WDFY1: variants seen among roughly 807,000 people sequenced by gnomAD.
WDFY1 encodes WD repeat and FYVE domain containing 1.
Under a neutral mutation model 56.4 loss-of-function variants are expected in WDFY1, and 32 were observed. That is an observed-to-expected ratio of 0.57 (90% CI 0.43 to 0.76). The LOEUF (loss-of-function observed/expected upper bound fraction) is 0.76. Among genes scored for constraint, WDFY1 ranks in the 30% least tolerant of loss-of-function variants. The pLI, the probability that WDFY1 is intolerant of heterozygous loss-of-function variation, is 0.00. For missense variants in WDFY1, 480 were observed against 545.7 expected, an observed-to-expected ratio of 0.88 and a Z score of 1.20; for synonymous variants, 192 against 197.3, an observed-to-expected ratio of 0.97 and a Z score of 0.23.
intron 1 of WDFY1, among the ~76,000 whole-genome samples, chr2:223,942,682 C>T (rs1380272537): frequency 3.6e-5 from 5 of 140,804 alleles, no homozygotes; most frequent in Non-Finnish European, 7.7e-5. Flanking sequence ...ACTACAGGCG[C>T]CCGCCACCGC....
Position 223,900,986 on chromosome 2 carries a change from T to C in WDFY1, c.485+197A>G, listed in dbSNP as rs569438746. The C allele has an allele frequency of 9.3e-5, 51 of 551,342 alleles. 1 individual carries two copies. In the South Asian group the frequency reaches 1.4e-3, roughly 15 times the overall value. 34.2% of individuals were successfully genotyped at this position (551,342 alleles called of 1,614,324 possible). A position where few individuals can be genotyped will look rare whatever the true frequency, so the allele number is the denominator to read the frequency against. ...AAGTTCTCGGATTTTCAGTGAAATA[T>C]GTATTAGGTTGGTGCAAAAGTAATT... On this transcript the variant is annotated intron_variant, in intron 5 of 11. Transcript: ENST00000233055.
At chr2:223,920,100 C>T (rs1385897008) in intron 1 of WDFY1, among the ~76,000 whole-genome samples, 1 of 152,238 alleles carries the variant, frequency 6.6e-6, no homozygotes, top group East Asian at 1.9e-4. Flanking sequence ...CGGCTGGTGG[C>T]TATAAGCACA....
chr2:223,895,777 G>C (rs597349), intron 6 of WDFY1, 147 bp from the exon 7 acceptor site: 1 of 1,014,638 alleles, frequency 9.9e-7, no homozygotes, highest in South Asian at 1.6e-5. Flanking sequence ...GGTGTACAAC[G>C]GGTCATTCAA....
At chr2:223,899,733 T>G (rs887282693) in intron 5 of WDFY1, among the ~76,000 whole-genome samples, 1 of 151,052 alleles carries the variant, frequency 6.6e-6, no homozygotes, top group Admixed American at 6.6e-5. Context: ...TGGGTGACAG[T>G]GCAAGACTCT....
intron 3 of WDFY1, among the ~76,000 whole-genome samples, chr2:223,906,440 T>C (rs1693599336): frequency 6.6e-6 from 1 of 152,208 alleles, no homozygotes; most frequent in Non-Finnish European, 1.5e-5. Flanking sequence ...TGGGGGAAAG[T>C]ACACCTATTT....
At chr2:223,882,732 T>A (rs567737626) in intron 9 of WDFY1, among the ~76,000 whole-genome samples, 123 of 151,888 alleles carry the variant, frequency 8.1e-4, no homozygotes, top group African/African-American at 2.8e-3. Context: ...TATTATTATT[T>A]TTTTTTTCAG....
intron 1 of WDFY1, among the ~76,000 whole-genome samples, chr2:223,930,425 G>C (rs1421357352): frequency 6.6e-6 from 1 of 152,216 alleles, no homozygotes; most frequent in Non-Finnish European, 1.5e-5. Context: ...CGCCTACCGG[G>C]TTCAGGCGAT....
At chr2:223,890,598 A>C (rs1261009480) in intron 8 of WDFY1, among the ~76,000 whole-genome samples, 1 of 152,160 alleles carries the variant, frequency 6.6e-6, no homozygotes, top group Non-Finnish European at 1.5e-5. Flanking sequence ...ATCTAAGAAG[A>C]AGCTTTCGTT....
intron 8 of WDFY1, among the ~76,000 whole-genome samples, chr2:223,887,976 T>G (rs536046241): frequency 2.0e-5 from 3 of 152,168 alleles, no homozygotes; most frequent in Admixed American, 6.5e-5. Context: ...CTACATGAAA[T>G]AGTTTTCTAC....
intron 4 of WDFY1, among the ~76,000 whole-genome samples, 154 bp from the exon 5 acceptor site, chr2:223,901,487 A>G (rs1362388067): frequency 6.6e-6 from 1 of 151,956 alleles, no homozygotes; most frequent in Non-Finnish European, 1.5e-5. Flanking sequence ...ATTTCAGACA[A>G]CCCGCCCCAG....
At chr2:223,944,475 G>T (rs1287938026) in intron 1 of WDFY1, among the ~76,000 whole-genome samples, 1 of 150,768 alleles carries the variant, frequency 6.6e-6, no homozygotes, top group African/African-American at 2.4e-5. Context: ...CTGGAACAGG[G>T]GTCCCCGGCT....
intron 2 of WDFY1, among the ~76,000 whole-genome samples, chr2:223,915,995 G>A (rs1289343965): frequency 6.6e-6 from 1 of 152,240 alleles, no homozygotes; most frequent in East Asian, 1.9e-4. Context: ...GGTAACAGAA[G>A]AGATGCCACT....
chr2:223,916,119 GTC>G (rs1300424894), intron 2 of WDFY1, among the ~76,000 whole-genome samples: 8 of 152,060 alleles, frequency 5.3e-5, no homozygotes, highest in Non-Finnish European at 7.4e-5. Flanking sequence ...GTTCCAAAAG[GTC>G]TCTCTCAATT....
intron 8 of WDFY1, among the ~76,000 whole-genome samples, chr2:223,891,104 G>A (rs669749): frequency 0.86 from 131,018 of 151,854 alleles, 57,690 homozygotes; most frequent in South Asian, 0.96. Flanking sequence ...GGCCAGGCAC[G>A]GTGGCTCATG....
At chr2:223,914,857 G>A (rs533835961) in intron 2 of WDFY1, among the ~76,000 whole-genome samples, 2 of 152,272 alleles carry the variant, frequency 1.3e-5, no homozygotes, top group East Asian at 3.9e-4. Flanking sequence ...AGCTAAAGCA[G>A]ATTCTGAAAG....
intron 1 of WDFY1, among the ~76,000 whole-genome samples, chr2:223,929,198 T>C (rs892927255): frequency 7.1e-6 from 1 of 140,328 alleles, no homozygotes; most frequent in Non-Finnish European, 1.6e-5. Context: ...TGTTTTTTTT[T>C]TTTTTTGAGA....
chr2:223,888,191 C>T (rs1388238781), intron 8 of WDFY1, among the ~76,000 whole-genome samples: 2 of 152,134 alleles, frequency 1.3e-5, no homozygotes, highest in Non-Finnish European at 2.9e-5. Context: ...GCGATCCTCC[C>T]TCCTCTCAGC....
At chr2:223,930,655 A>G (rs1450277986) in intron 1 of WDFY1, among the ~76,000 whole-genome samples, 2 of 152,186 alleles carry the variant, frequency 1.3e-5, no homozygotes, top group Non-Finnish European at 2.9e-5. Context: ...TAGTGACGCT[A>G]TGTTTAAAAA....
chr2:223,926,367 G>A (rs1693978261), intron 1 of WDFY1, among the ~76,000 whole-genome samples: 1 of 152,242 alleles, frequency 6.6e-6, no homozygotes, highest in African/African-American at 2.4e-5. Flanking sequence ...GGTCACTCAA[G>A]TGATCCTGCC....
Sources: allele counts gnomAD v4.1 joint callset (sites outside exome capture counted in the v4.1 genomes callset), GRCh38; gene constraint gnomAD v4.1.1; transcripts MANE v1.5; gene names NCBI Gene and HGNC (gene_info 2026-07-23, HGNC 2026-07-21).